Variants in ZNF407 observed in about 807,000 individuals in gnomAD.
ZNF407 encodes zinc finger protein 407.
In ZNF407, 17 loss-of-function variants were observed where a neutral mutation model predicts 131.2. That is an observed-to-expected ratio of 0.13 (90% CI 0.09 to 0.19). The LOEUF (loss-of-function observed/expected upper bound fraction) is 0.19, where lower values mean the gene tolerates loss of function less well. Ranked by LOEUF, ZNF407 falls within the 10% of genes least tolerant of loss-of-function variation. The pLI is 1.00. For synonymous variants in ZNF407, 1,156 were observed against 1,062.0 expected, an observed-to-expected ratio of 1.09 and a Z score of -1.72; for missense variants, 2,681 against 2,830.6, an observed-to-expected ratio of 0.95 and a Z score of 1.20.
chr18:74,806,293 T>C (rs1970108461), intron 4 of ZNF407, among the ~76,000 whole-genome samples: 2 of 152,256 alleles, frequency 1.3e-5, no homozygotes, highest in South Asian at 4.1e-4. Context: ...TCAGAAAGTC[T>C]GTGGCAGTTG....
chr18:74,852,722 T>G (rs1970806584), intron 4 of ZNF407, among the ~76,000 whole-genome samples: 1 of 152,140 alleles, frequency 6.6e-6, no homozygotes, highest in African/African-American at 2.4e-5. Flanking sequence ...TCGTTTTAAA[T>G]TAGAGTGTAA....
At chr18:75,024,527 A>G (rs901722885) in intron 8 of ZNF407, among the ~76,000 whole-genome samples, 6 of 152,196 alleles carry the variant, frequency 3.9e-5, no homozygotes, top group Admixed American at 1.3e-4. Flanking sequence ...GTGCTATCCT[A>G]TTCCTATTTT....
At chr18:74,863,810 G>A (rs1970971814) in intron 4 of ZNF407, among the ~76,000 whole-genome samples, 1 of 152,100 alleles carries the variant, frequency 6.6e-6, no homozygotes, top group South Asian at 2.1e-4. Context: ...TGGGGTGTTG[G>A]CTACAGCATG....
intron 3 of ZNF407, among the ~76,000 whole-genome samples, chr18:74,676,603 A>ATC (rs1986387601): frequency 6.6e-6 from 1 of 151,030 alleles, no homozygotes; most frequent in Admixed American, 6.6e-5. Flanking sequence ...TGCCCGGGTA[A>ATC]TTTTGTATTT....
chr18:74,747,133 T>C (rs535258126), intron 3 of ZNF407, among the ~76,000 whole-genome samples: 2 of 137,420 alleles, frequency 1.5e-5, no homozygotes, highest in East Asian at 2.3e-4. Context: ...AATATTTTTC[T>C]TGCTCACATT....
chr18:74,801,622 G>A (rs1970020901), intron 4 of ZNF407, among the ~76,000 whole-genome samples: 1 of 152,152 alleles, frequency 6.6e-6, no homozygotes, highest in African/African-American at 2.4e-5. Flanking sequence ...GCAGTTTATT[G>A]TTTTGATCAG....
At chr18:74,847,572 C>T (rs1212198464) in intron 4 of ZNF407, among the ~76,000 whole-genome samples, 2 of 152,052 alleles carry the variant, frequency 1.3e-5, no homozygotes, top group Non-Finnish European at 2.9e-5. Flanking sequence ...TTTTGGCAAA[C>T]ATGAGGAAGA....
At chr18:75,031,108 C>T (rs1415033588) in intron 8 of ZNF407, among the ~76,000 whole-genome samples, 1 of 152,196 alleles carries the variant, frequency 6.6e-6, no homozygotes, top group Non-Finnish European at 1.5e-5. Context: ...CCTGCAAGAC[C>T]TCACACTCAT....
chr18:75,010,226 T>C (rs1207336115), intron 8 of ZNF407, among the ~76,000 whole-genome samples: 8 of 152,164 alleles, frequency 5.3e-5, no homozygotes, highest in African/African-American at 1.9e-4. Context: ...CCTGTCTACA[T>C]GAGATTTCAT....
intron 1 of ZNF407, among the ~76,000 whole-genome samples, chr18:74,610,466 A>G (rs1983006947): frequency 6.6e-6 from 1 of 152,164 alleles, no homozygotes; most frequent in Non-Finnish European, 1.5e-5. Flanking sequence ...TTAGGTAATT[A>G]CCATTTGAGG....
At position 74,610,180 on chromosome 18, in the gene ZNF407, C is replaced by T. The variant is rs182897595; in HGVS notation, c.-54+12243C>T. On this transcript the variant is annotated intron_variant, in intron 1 of 8. Coordinates refer to ENST00000299687, the MANE Select transcript of ZNF407 (RefSeq NM_017757.3). ...ATTTGATGAATAAATGAATACTATA[C>T]GTGCATTTTGTTAGCTGCTTTTGCA... Among the ~76,000 whole-genome samples, 142 of 152,266 alleles carry T rather than the reference C, an allele frequency of 9.3e-4. 1 individual carries two copies. Among genetic ancestry groups the T allele is most frequent in the Non-Finnish European group, 2.2e-4 (15 of 68,032 alleles).
chr18:74,778,787 C>T (rs1460748303), intron 3 of ZNF407, among the ~76,000 whole-genome samples: 1 of 151,906 alleles, frequency 6.6e-6, no homozygotes. Context: ...TGCAGGACCC[C>T]CTCACAGCTA....
At chr18:74,957,042 T>G (rs997189553) in intron 8 of ZNF407, among the ~76,000 whole-genome samples, 59 of 152,204 alleles carry the variant, frequency 3.9e-4, no homozygotes, top group African/African-American at 1.4e-3. Context: ...GCTTTCTGAG[T>G]TTAAAACCAG....
intron 8 of ZNF407, among the ~76,000 whole-genome samples, chr18:74,940,899 T>G (rs1471259358): frequency 6.6e-6 from 1 of 152,240 alleles, no homozygotes; most frequent in Non-Finnish European, 1.5e-5. Flanking sequence ...TTGGGTGTAC[T>G]GCTCAGTTTT....
At chr18:74,630,900 T>C in intron 1 of ZNF407, 67 bp from the exon 2 acceptor site, 1 of 1,224,134 alleles carries the variant, frequency 8.2e-7, no homozygotes, top group Non-Finnish European at 1.1e-6. Context: ...TACTTTTTCA[T>C]CTAGTTTTAG....
intron 3 of ZNF407, among the ~76,000 whole-genome samples, chr18:74,707,355 A>G (rs1170351423): frequency 6.6e-6 from 1 of 152,194 alleles, no homozygotes; most frequent in African/African-American, 2.4e-5. Context: ...CTTCAGTTGT[A>G]AGTACAGGCT....
At position 74,817,987 on chromosome 18, in the gene ZNF407, T is replaced by C. The variant is rs561480308; in HGVS notation, c.4877+36485T>C. ...TGTATTCTGGATTTCAATTCGGCACTTTATGTATTAGCTAAAAATTTCATG... is the reference window on the plus strand; with the variant it reads ...TGTATTCTGGATTTCAATTCGGCACCTTATGTATTAGCTAAAAATTTCATG... On this transcript the variant is annotated intron_variant, in intron 4 of 8. Coordinates refer to ENST00000299687, the MANE Select transcript of ZNF407 (RefSeq NM_017757.3). Among the ~76,000 whole-genome samples the C allele has an allele frequency of 2.6e-5, 4 of 152,358 alleles. No homozygotes were observed. In the South Asian group the frequency reaches 8.3e-4, roughly 32 times the overall value.
At chr18:75,040,164 A>T (rs1338853301) in intron 8 of ZNF407, among the ~76,000 whole-genome samples, 1 of 152,158 alleles carries the variant, frequency 6.6e-6, no homozygotes, top group Non-Finnish European at 1.5e-5. Flanking sequence ...GTGAACTGGG[A>T]TGAAGTAGCT....
intron 8 of ZNF407, among the ~76,000 whole-genome samples, chr18:74,992,391 G>A (rs2122140033): frequency 6.6e-6 from 1 of 152,282 alleles, no homozygotes; most frequent in African/African-American, 2.4e-5. Context: ...TGTTGGGATG[G>A]AGACATAGGA....
Sources: allele counts gnomAD v4.1 joint callset (sites outside exome capture counted in the v4.1 genomes callset), GRCh38; gene constraint gnomAD v4.1.1; transcripts MANE v1.5; gene names NCBI Gene and HGNC (gene_info 2026-07-23, HGNC 2026-07-21).